The following METTL24 variants were observed in gnomAD, a reference collection of about 807,000 sequenced individuals.
The protein encoded by METTL24 is probable methyltransferase-like protein 24.
METTL24 carries 29 observed loss-of-function variants against 32.7 expected under a neutral mutation model. The observed-to-expected ratio is 0.89, with a 90% CI of 0.66 to 1.21. The LOEUF (loss-of-function observed/expected upper bound fraction) is 1.21, where lower values mean the gene tolerates loss of function less well. Among genes scored for constraint, METTL24 ranks in the 50% most tolerant of loss-of-function variants. The pLI, the probability that METTL24 is intolerant of heterozygous loss-of-function variation, is 0.00. For missense variants in METTL24, 439 were observed against 468.1 expected (o/e 0.94, Z 0.57); for synonymous variants, 163 against 179.5 (o/e 0.91, Z 0.73).
intron 4 of METTL24, among the ~76,000 whole-genome samples, chr6:110,277,105 A>T (rs1378171215): frequency 6.6e-6 from 1 of 152,186 alleles, no homozygotes; most frequent in Non-Finnish European, 1.5e-5. Context: ...TTTTAAAAAA[A>T]ATCACAAAAG....
intron 1 of METTL24, among the ~76,000 whole-genome samples, chr6:110,327,132 G>T (rs936235912): frequency 1.2e-4 from 19 of 152,274 alleles, no homozygotes; most frequent in African/African-American, 3.9e-4. Flanking sequence ...GCACAAAAAG[G>T]TACAGCGCCT....
chr6:110,263,220 C>T (rs921369660), intron 4 of METTL24, among the ~76,000 whole-genome samples: 3 of 152,046 alleles, frequency 2.0e-5, no homozygotes, highest in African/African-American at 7.3e-5. Context: ...TCTAGAAAAC[C>T]CCATCATCTC....
intron 4 of METTL24, among the ~76,000 whole-genome samples, chr6:110,283,939 G>C (rs1235871529): frequency 6.6e-6 from 1 of 152,166 alleles, no homozygotes; most frequent in African/African-American, 2.4e-5. Flanking sequence ...TTTATTGACA[G>C]ATGAATGGAT....
At chr6:110,296,924 G>A (rs1246857352) in intron 4 of METTL24, among the ~76,000 whole-genome samples, 1 of 152,094 alleles carries the variant, frequency 6.6e-6, no homozygotes, top group Non-Finnish European at 1.5e-5. Context: ...ATCTAGCCCC[G>A]CATAGCTCCT....
At chr6:110,355,945 G>T (rs113928901) in intron 1 of METTL24, among the ~76,000 whole-genome samples, 1 of 152,120 alleles carries the variant, frequency 6.6e-6, no homozygotes, top group Non-Finnish European at 1.5e-5. Flanking sequence ...TTCCAAACCT[G>T]TCCTTTGTAG....
chr6:110,321,105 C>T (rs1306382410), intron 2 of METTL24, among the ~76,000 whole-genome samples: 5 of 152,148 alleles, frequency 3.3e-5, no homozygotes, highest in Non-Finnish European at 5.9e-5. Context: ...GGCATGGTGA[C>T]AGGCTCCTGT....
At chr6:110,337,776 T>C (rs921268429) in intron 1 of METTL24, among the ~76,000 whole-genome samples, 2 of 152,368 alleles carry the variant, frequency 1.3e-5, no homozygotes, top group South Asian at 2.1e-4. Flanking sequence ...CAGACTCTAG[T>C]TTTAGTTCCA....
intron 3 of METTL24, among the ~76,000 whole-genome samples, chr6:110,306,676 C>T (rs1289689373): frequency 6.6e-6 from 1 of 152,040 alleles, no homozygotes; most frequent in Non-Finnish European, 1.5e-5. Context: ...ATATAAAATT[C>T]TTACTTTCAT....
chr6:110,317,981 C>A (rs1771856383), intron 2 of METTL24, among the ~76,000 whole-genome samples: 1 of 152,130 alleles, frequency 6.6e-6, no homozygotes, highest in African/African-American at 2.4e-5. Flanking sequence ...AAGGTTCCAG[C>A]CTAGTCACAT....
At chr6:110,350,824 T>TAAAA (rs1554218376) in intron 1 of METTL24, among the ~76,000 whole-genome samples, 1 of 98,730 alleles carries the variant, frequency 1.0e-5, no homozygotes, top group Non-Finnish European at 2.3e-5. Flanking sequence ...AAATAAAAAA[T>TAAAA]TAGGCCAGGC....
At chr6:110,265,667 C>T (rs1337568526) in intron 4 of METTL24, among the ~76,000 whole-genome samples, 2 of 152,082 alleles carry the variant, frequency 1.3e-5, no homozygotes, top group Non-Finnish European at 2.9e-5. Context: ...ATGGCTGGAG[C>T]TCCAGCAGTA....
intron 1 of METTL24, among the ~76,000 whole-genome samples, chr6:110,337,084 T>C (rs886932509): frequency 7.9e-5 from 12 of 152,156 alleles, no homozygotes; most frequent in African/African-American, 2.4e-4. Context: ...TGAAATACTA[T>C]GCAGCCATAA....
intron 1 of METTL24, among the ~76,000 whole-genome samples, chr6:110,329,424 AT>A (rs1352344516): frequency 1.4e-5 from 2 of 139,108 alleles, no homozygotes; most frequent in African/African-American, 5.3e-5. Flanking sequence ...TTTTGCTGCA[AT>A]TTTGTGCTAA....
intron 4 of METTL24, among the ~76,000 whole-genome samples, chr6:110,259,417 G>T (rs1778447118): frequency 6.6e-6 from 1 of 152,230 alleles, no homozygotes; most frequent in Non-Finnish European, 1.5e-5. Flanking sequence ...TGAGGCTGGG[G>T]GAGGGGCACC....
intron 4 of METTL24, among the ~76,000 whole-genome samples, chr6:110,251,957 A>G (rs1336175067): frequency 1.3e-5 from 2 of 152,162 alleles, no homozygotes; most frequent in African/African-American, 4.8e-5. Flanking sequence ...CAGCCTAGCC[A>G]ACATGGCGAA....
intron 3 of METTL24, among the ~76,000 whole-genome samples, chr6:110,314,495 C>G (rs1428020644): frequency 6.6e-6 from 1 of 152,108 alleles, no homozygotes; most frequent in African/African-American, 2.4e-5. Context: ...ACCTGAATAA[C>G]TCGATATCAA....
intron 1 of METTL24, among the ~76,000 whole-genome samples, chr6:110,324,951 T>C (rs1771992942): frequency 6.6e-6 from 1 of 152,238 alleles, no homozygotes; most frequent in South Asian, 2.1e-4. Context: ...ACTTCGATAG[T>C]AAAATGCTAA....
chr6:110,261,240 A>G (rs892478250), intron 4 of METTL24, among the ~76,000 whole-genome samples: 2 of 152,240 alleles, frequency 1.3e-5, no homozygotes, highest in African/African-American at 4.8e-5. Flanking sequence ...GTGCAGAGAC[A>G]CATATAGGCT....
intron 4 of METTL24, among the ~76,000 whole-genome samples, chr6:110,266,271 T>C (rs1289235647): frequency 2.0e-5 from 3 of 152,168 alleles, no homozygotes; most frequent in Admixed American, 2.0e-4. Flanking sequence ...CAACCTAATC[T>C]GAAATACATC....
Sources: gnomAD v4.1 joint callset for allele counts (sites outside exome capture counted in the v4.1 genomes callset) on GRCh38, gnomAD v4.1.1 for gene constraint, MANE v1.5 for transcripts, NCBI Gene and HGNC (gene_info 2026-07-23, HGNC 2026-07-21) for gene names.